The following GXYLT1 variants were observed in gnomAD, a reference collection of about 807,000 sequenced individuals.
The protein encoded by GXYLT1 is glycosyltransferase 8 domain containing 3.
In GXYLT1, 29 loss-of-function variants were observed where a neutral mutation model predicts 54.0. The ratio of observed to expected loss-of-function variants is 0.54; its 90% confidence interval spans 0.40 to 0.73. The LOEUF is 0.73. GXYLT1 is among the 30% of genes least tolerant of loss of function. The probability of loss-of-function intolerance (pLI) is 0.00; values close to 1 mark genes in which losing one functional copy is unlikely to be tolerated. For synonymous variants in GXYLT1, 176 were observed against 204.1 expected (o/e 0.86, Z 1.17); for missense variants, 490 against 553.4 (o/e 0.89, Z 1.15).
At chr12:42,103,390 T>C (rs2136886524) in intron 5 of GXYLT1, among the ~76,000 whole-genome samples, 1 of 152,358 alleles carries the variant, frequency 6.6e-6, no homozygotes, top group Non-Finnish European at 1.5e-5. Context: ...TTATTGTGGC[T>C]GTACATGGGT....
chr12:42,122,077 T>C (rs1379818221), intron 2 of GXYLT1, among the ~76,000 whole-genome samples: 1 of 152,168 alleles, frequency 6.6e-6, no homozygotes, highest in East Asian at 1.9e-4. Flanking sequence ...AAAATCTTTC[T>C]TTCGGTCACA....
At chr12:42,088,670 A>G (rs192668908) in intron 7 of GXYLT1, among the ~76,000 whole-genome samples, 2 of 152,188 alleles carry the variant, frequency 1.3e-5, no homozygotes, top group Admixed American at 1.3e-4. Context: ...AGTGGAAATA[A>G]TAAGTAATCT....
intron 3 of GXYLT1, among the ~76,000 whole-genome samples, chr12:42,115,205 C>G (rs949677342): frequency 6.6e-6 from 1 of 152,162 alleles, no homozygotes; most frequent in Admixed American, 6.5e-5. Flanking sequence ...GAAGCATTCC[C>G]TTTGAAACCT....
chr12:42,109,494 G>C, intron 4 of GXYLT1, 72 bp downstream of exon 4: 2 of 1,019,992 alleles, frequency 2.0e-6, no homozygotes, highest in Non-Finnish European at 2.6e-6. Flanking sequence ...ACTCTTCAGA[G>C]ACTCATGTGT....
At chr12:42,091,646 T>C (rs566500140) in intron 7 of GXYLT1, among the ~76,000 whole-genome samples, 10 of 152,322 alleles carry the variant, frequency 6.6e-5, no homozygotes, top group Admixed American at 2.6e-4. Context: ...TCAGTGAGTA[T>C]AGTCATACCA....
chr12:42,116,483 T>G (rs1272172343), intron 3 of GXYLT1, among the ~76,000 whole-genome samples: 2 of 152,182 alleles, frequency 1.3e-5, no homozygotes, highest in East Asian at 1.9e-4. Context: ...CAACAGACAC[T>G]TCTCAAAAGA....
Position 42,087,568 on chromosome 12 carries a change from T to C in GXYLT1, c.*218A>G, listed in dbSNP as rs1400240854. On this transcript the variant is annotated 3_prime_UTR_variant, in exon 8 of 8. Coordinates refer to ENST00000398675, the MANE Select transcript of GXYLT1 (RefSeq NM_173601.2). ...AATACTGGAATGATAGCAAGTAACA[T>C]TACAAAACATCAGAGATAAAAAATG... 1.1e-5 allele frequency: 5 copies of C among 458,292 alleles called. No homozygotes were observed. Among genetic ancestry groups the C allele is most frequent in the Admixed American group, 8.3e-5 (2 of 24,054 alleles). 28.4% of individuals were successfully genotyped at this position (458,292 alleles called of 1,614,324 possible).
rs558634413 is a variant in GXYLT1 at position 42,084,607 on chromosome 12, A to G, written c.*3179T>C. On this transcript the variant is annotated 3_prime_UTR_variant, in exon 8 of 8. Coordinates refer to ENST00000398675, the MANE Select transcript of GXYLT1 (RefSeq NM_173601.2). Reference sequence around the variant, plus strand: ...GTACTTAAAAACCTAAGGCACAGAGAAGGGTAAATAACATGCCTGAGTTAC... The same window carrying G: ...GTACTTAAAAACCTAAGGCACAGAGGAGGGTAAATAACATGCCTGAGTTAC... The G allele has an allele frequency of 6.6e-6, 1 of 152,398 alleles. No individual in the cohort carries two copies. Among genetic ancestry groups the G allele is most frequent in the South Asian group, 2.1e-4 (1 of 4,830 alleles). The allele number at this position is 152,398 out of a possible 1,614,324, so 9.4% of individuals were successfully genotyped here. A position where few individuals can be genotyped will look rare whatever the true frequency, so the allele number is the denominator to read the frequency against.
intron 1 of GXYLT1, among the ~76,000 whole-genome samples, chr12:42,132,584 A>T (rs976420356): frequency 3.3e-5 from 5 of 152,316 alleles, no homozygotes; most frequent in African/African-American, 7.2e-5. Context: ...TGACTAGAAA[A>T]GTTAACGTGT....
chr12:42,140,113 G>A (rs1021360594), intron 1 of GXYLT1, among the ~76,000 whole-genome samples: 2 of 147,198 alleles, frequency 1.4e-5, no homozygotes, highest in African/African-American at 5.1e-5. Flanking sequence ...CCCGGGAGGC[G>A]GAGCTTGCAG....
rs111788018 is a variant in GXYLT1 at position 42,101,824 on chromosome 12, G to A, written c.865-3791C>T. On this transcript the variant is annotated intron_variant, in intron 5 of 7. Coordinates refer to ENST00000398675, the MANE Select transcript of GXYLT1 (RefSeq NM_173601.2). ...TGACCTCAAGTGATCCACCTGCCTC[G>A]GCCTCCCAAAGTGCTGGGATTACAG... 3.7e-3 allele frequency among the ~76,000 whole-genome samples: 565 copies of A among 152,066 alleles called. 6 individuals carry two copies. The highest frequency in any genetic ancestry group is 0.02 in the Middle Eastern group (6 of 294).
At chr12:42,100,342 C>T (rs1191692788) in intron 5 of GXYLT1, among the ~76,000 whole-genome samples, 3 of 152,076 alleles carry the variant, frequency 2.0e-5, no homozygotes, top group Non-Finnish European at 4.4e-5. Context: ...GAAACTTTTA[C>T]AGCAAGTTAA....
At chr12:42,136,030 T>TA (rs2065617789) in intron 1 of GXYLT1, among the ~76,000 whole-genome samples, 1 of 152,214 alleles carries the variant, frequency 6.6e-6, no homozygotes, top group Non-Finnish European at 1.5e-5. Context: ...TGCATACCAT[T>TA]AAAAAATCAT....
At chr12:42,131,411 G>C (rs2065593423) in intron 1 of GXYLT1, among the ~76,000 whole-genome samples, 1 of 152,160 alleles carries the variant, frequency 6.6e-6, no homozygotes, top group Admixed American at 6.5e-5. Context: ...GGGGTTCTTA[G>C]CCCTGGTAGA....
At chr12:42,101,537 T>C (rs80075755) in intron 5 of GXYLT1, among the ~76,000 whole-genome samples, 2 of 152,142 alleles carry the variant, frequency 1.3e-5, no homozygotes, top group East Asian at 3.9e-4. Flanking sequence ...GAATCCTATA[T>C]CTAAATGCTA....
chr12:42,090,771 T>A lies in GXYLT1; in HGVS notation c.1162-2824A>T, dbSNP rs78394563. Among the ~76,000 whole-genome samples the A allele has an allele frequency of 4.7e-3, 713 of 152,296 alleles. 2 individuals carry two copies. Among genetic ancestry groups the A allele is most frequent in the African/African-American group, 0.017 (691 of 41,554 alleles). On this transcript the variant is annotated intron_variant, in intron 7 of 7. Coordinates refer to ENST00000398675, the MANE Select transcript of GXYLT1 (RefSeq NM_173601.2). ...TGCTTTGCAGAGAGTTTTGCAAATA[T>A]AAGCAAGGTGTAAAGTAAATCAAAG...
intron 5 of GXYLT1, 81 bp from the exon 6 acceptor site, chr12:42,098,114 C>G (rs1314906366): frequency 7.8e-7 from 1 of 1,281,992 alleles, no homozygotes; most frequent in African/African-American, 1.5e-5. Context: ...ATTCTTCCCA[C>G]AGCAACCATT....
At chr12:42,111,547 G>C (rs1020300864) in intron 3 of GXYLT1, among the ~76,000 whole-genome samples, 1 of 152,220 alleles carries the variant, frequency 6.6e-6, no homozygotes, top group African/African-American at 2.4e-5. Context: ...ACAGCAGTCC[G>C]AGATCAAACT....
chr12:42,128,755 G>A (rs890412800), intron 2 of GXYLT1, among the ~76,000 whole-genome samples: 1 of 151,890 alleles, frequency 6.6e-6, no homozygotes, highest in South Asian at 2.1e-4. Flanking sequence ...GAGCAGTGGC[G>A]TCATCACAGC....
Sources: allele counts gnomAD v4.1 joint callset (sites outside exome capture counted in the v4.1 genomes callset), GRCh38; gene constraint gnomAD v4.1.1; transcripts MANE v1.5; gene names NCBI Gene and HGNC (gene_info 2026-07-23, HGNC 2026-07-21).